The following PCDHA8 variants were observed in gnomAD, a reference collection of about 807,000 sequenced individuals.
PCDHA8 encodes protocadherin alpha 8, also known as protocadherin alpha-8.
In PCDHA8, 53 loss-of-function variants were observed where a neutral mutation model predicts 61.8. The ratio of observed to expected loss-of-function variants is 0.86; its 90% CI spans 0.69 to 1.08. The LOEUF is 1.08. PCDHA8 is among the 50% of genes least tolerant of loss of function. PCDHA8 has a pLI of 0.00. For missense variants in PCDHA8, 1,293 were observed against 1,245.0 expected, an observed-to-expected ratio of 1.04 and a Z score of -0.58; for synonymous variants, 618 against 556.6, an observed-to-expected ratio of 1.11 and a Z score of -1.55.
rs782508103 is a variant in PCDHA8, at chr5:140,856,192, G to T, written c.2394+12477G>T. ...ACGGCACCTTCGTGGGCCGCATCGCGCAGGACCTGGGGCTGGAGCTGGCGG... is the reference window on the plus strand; with the variant it reads ...ACGGCACCTTCGTGGGCCGCATCGCTCAGGACCTGGGGCTGGAGCTGGCGG... On this transcript the variant is annotated intron_variant, in intron 1 of 3. Coordinates refer to ENST00000531613, the MANE Select transcript of PCDHA8 (RefSeq NM_018911.3). The T allele has an allele frequency of 3.7e-5, 59 of 1,598,180 alleles. 4 individuals carry two copies. Among genetic ancestry groups the T allele is most frequent in the South Asian group, 2.8e-4 (25 of 90,510 alleles).
chr5:140,885,385 T>C (rs2060578484), intron 1 of PCDHA8, among the ~76,000 whole-genome samples: 1 of 152,194 alleles, frequency 6.6e-6, no homozygotes, highest in South Asian at 2.1e-4. Flanking sequence ...TGGCAGTCCC[T>C]GCAAATCTAA....
At chr5:140,927,378 C>T in intron 1 of PCDHA8, 3 of 1,614,110 alleles carry the variant, frequency 1.9e-6, no homozygotes, top group Non-Finnish European at 2.5e-6. Flanking sequence ...TAAGCTACAG[C>T]CTAAGCCCCA....
At chr5:140,968,385 A>G (rs782234319) in intron 1 of PCDHA8, 11 of 1,613,904 alleles carry the variant, frequency 6.8e-6, no homozygotes, top group Non-Finnish European at 9.3e-6. Flanking sequence ...TTTGACTATG[A>G]GAAGTTTCGG....
intron 1 of PCDHA8, among the ~76,000 whole-genome samples, chr5:140,913,111 T>C (rs2076211610): frequency 6.6e-6 from 1 of 152,194 alleles, no homozygotes; most frequent in Non-Finnish European, 1.5e-5. Context: ...TAGAATCAGT[T>C]TGGAAGTTAA....
chr5:140,903,271 A>T (rs193242810), intron 1 of PCDHA8, among the ~76,000 whole-genome samples: 58 of 152,326 alleles, frequency 3.8e-4, no homozygotes, highest in African/African-American at 1.3e-3. Flanking sequence ...GGAGTGAGGT[A>T]GTGTCTCATT....
At chr5:140,910,485 A>G (rs1251216481) in intron 1 of PCDHA8, among the ~76,000 whole-genome samples, 1 of 152,206 alleles carries the variant, frequency 6.6e-6, no homozygotes. Flanking sequence ...TGGCATACAG[A>G]GAAGAGCAAT....
In PCDHA8 at chr5:141,011,794, G is replaced by A. The variant is rs782200485; in HGVS notation, c.*1857G>A. 2 of 153,664 alleles carry A rather than the reference G, an allele frequency of 1.3e-5. No individual in the cohort carries two copies. The highest frequency in any genetic ancestry group is 2.9e-5 in the Non-Finnish European group (2 of 68,028). The allele number at this position is 153,664 out of a possible 1,614,324, so 9.5% of individuals were successfully genotyped here. ...ATGCTTTGAAATTCTAATGGTATCT[G>A]AAATATCAGCTCATAGAAAGTAACA... On this transcript the variant is annotated 3_prime_UTR_variant, in exon 4 of 4. Coordinates refer to ENST00000531613, the MANE Select transcript of PCDHA8 (RefSeq NM_018911.3).
intron 3 of PCDHA8, among the ~76,000 whole-genome samples, chr5:140,987,825 G>A (rs1181525478): frequency 1.3e-5 from 2 of 151,894 alleles, no homozygotes; most frequent in Admixed American, 1.3e-4. Flanking sequence ...GTTTCCTTAG[G>A]GGATTGCTTT....
intron 1 of PCDHA8, chr5:140,867,128 A>G (rs1328487179): frequency 2.0e-5 from 3 of 152,164 alleles, no homozygotes; most frequent in African/African-American, 4.8e-5. Flanking sequence ...TAATTCAAAT[A>G]TGTGATATTA....
intron 1 of PCDHA8, chr5:140,856,894 T>C (rs1389376451): frequency 6.3e-7 from 1 of 1,596,592 alleles, no homozygotes; most frequent in Non-Finnish European, 8.6e-7. Context: ...CATTTAGCTC[T>C]TTGGTCCCAC....
At position 140,870,884 on chromosome 5, in the gene PCDHA8, G is replaced by T. The variant is rs376620715; in HGVS notation, c.2394+27169G>T. On this transcript the variant is annotated intron_variant, in intron 1 of 3. Coordinates refer to ENST00000531613, the MANE Select transcript of PCDHA8 (RefSeq NM_018911.3). ...GCGGGCCACGTGGTGGCGAAGGTGC[G>T]CGCAGTGGATGCGGACTCAGGCTAC... is the stretch of plus-strand genomic sequence containing the variant. The T allele has an allele frequency of 9.3e-6, 15 of 1,613,948 alleles. No individual in the cohort carries two copies. In the African/African-American group the frequency reaches 1.7e-4, roughly 19 times the overall value.
Position 140,982,486 on chromosome 5 carries a change from T to C in PCDHA8, c.2465T>C (p.Leu822Pro). ...LRAGMHSSVH[L>P]EEAGILRAGP... Reference sequence around the variant, plus strand: ...GTGTGTTTATTCAGCTCTGTGCACCTAGAGGAGGCTGGCATTCTACGGGCT... The same window carrying C: ...GTGTGTTTATTCAGCTCTGTGCACCCAGAGGAGGCTGGCATTCTACGGGCT... Residue 822 changes from leucine to proline, a missense_variant, in exon 3 of 4, where the codon CTA (leucine) becomes CCA (proline). Physicochemically the swap from Leu to Pro is moderately conservative, Grantham distance 98. Coordinates refer to ENST00000531613, the MANE Select transcript of PCDHA8 (RefSeq NM_018911.3). The C allele has an allele frequency of 6.2e-7, 1 of 1,614,180 alleles. No individual in the cohort carries two copies. Among genetic ancestry groups the C allele is most frequent in the South Asian group, 1.1e-5 (1 of 91,086 alleles).
intron 1 of PCDHA8, chr5:140,884,812 G>A: frequency 9.0e-7 from 1 of 1,117,104 alleles, no homozygotes; most frequent in Non-Finnish European, 1.2e-6. Flanking sequence ...ACTCTGCTGT[G>A]GACATTATGT....
chr5:140,870,130 A>T (rs781855370), intron 1 of PCDHA8: 2 of 1,613,866 alleles, frequency 1.2e-6, no homozygotes, highest in East Asian at 4.5e-5. Context: ...CTTGGACACC[A>T]ACGATAACTC....
At chr5:140,961,887 G>GTTT (rs35680913) in intron 1 of PCDHA8, among the ~76,000 whole-genome samples, 3 of 143,936 alleles carry the variant, frequency 2.1e-5, no homozygotes, top group Non-Finnish European at 3.1e-5. Context: ...ACTTACATCA[G>GTTT]TTTTTTTTTT....
chr5:140,910,142 A>T (rs535162246), intron 1 of PCDHA8, among the ~76,000 whole-genome samples: 1 of 152,326 alleles, frequency 6.6e-6, no homozygotes, highest in South Asian at 2.1e-4. Context: ...TTAAGTCTGG[A>T]AATTGATTGA....
rs1778702476 is a variant in PCDHA8 at position 140,843,238 on chromosome 5, A to C, written c.1917A>C (p.Glu639Asp). Residue 639 changes from glutamate to aspartate, a missense_variant, in exon 1 of 4, where the codon GAA becomes GAC. Transcript: ENST00000531613. ...TCAGCACCACTCGTGTCCTGGACGA[A>C]GCGGACTCTCCGCGCCACCGTCTGC... ...GEISTTRVLDEADSPRHRLLV... is the reference protein window; with the variant it reads ...GEISTTRVLDDADSPRHRLLV... 1 of 1,595,718 alleles carries C rather than the reference A, an allele frequency of 6.3e-7. No individual in the cohort carries two copies. Among genetic ancestry groups the C allele is most frequent in the Admixed American group, 1.7e-5 (1 of 59,290 alleles).
intron 1 of PCDHA8, chr5:140,870,834 C>G: frequency 6.2e-7 from 1 of 1,613,806 alleles, no homozygotes; most frequent in Non-Finnish European, 8.5e-7. Context: ...GCGCAGTTAA[C>G]AAGCTAGTAC....
intron 1 of PCDHA8, among the ~76,000 whole-genome samples, chr5:140,946,207 A>G (rs1435472095): frequency 2.0e-5 from 3 of 152,068 alleles, no homozygotes; most frequent in Non-Finnish European, 4.4e-5. Flanking sequence ...AAAGCACACA[A>G]ATGACCAACA....
Sources: gnomAD v4.1 joint callset for allele counts (sites outside exome capture counted in the v4.1 genomes callset) on GRCh38, gnomAD v4.1.1 for gene constraint, MANE v1.5 for transcripts, NCBI Gene and HGNC (gene_info 2026-07-23, HGNC 2026-07-21) for gene names.